LAPTM4B: variants seen among roughly 807,000 people sequenced by gnomAD.
The protein encoded by LAPTM4B is lysosomal-associated transmembrane protein 4B.
Under a neutral mutation model 28.5 loss-of-function variants are expected in LAPTM4B, and 26 were observed. The observed-to-expected ratio is 0.91, with a 90% CI of 0.67 to 1.27. The LOEUF (loss-of-function observed/expected upper bound fraction) is 1.27, where lower values mean the gene tolerates loss of function less well. Among genes scored for constraint, LAPTM4B ranks in the 50% most tolerant of loss-of-function variants. LAPTM4B has a pLI of 0.00. For synonymous variants in LAPTM4B, 109 were observed against 106.4 expected (o/e 1.02, Z -0.15); for missense variants, 288 against 285.8 (o/e 1.01, Z -0.06).
intron 6 of LAPTM4B, among the ~76,000 whole-genome samples, chr8:97,841,472 C>T (rs1444804382): frequency 1.3e-5 from 2 of 152,128 alleles, no homozygotes; most frequent in African/African-American, 4.8e-5. Flanking sequence ...GGATTACAGG[C>T]GCCTGCCATC....
chr8:97,797,633 G>T (rs993680774), intron 1 of LAPTM4B, among the ~76,000 whole-genome samples: 32 of 152,162 alleles, frequency 2.1e-4, no homozygotes, highest in Admixed American at 1.6e-3. Context: ...GATACAACCT[G>T]TGTAAATTTC....
chr8:97,844,096 G>A (rs1586346927), intron 6 of LAPTM4B, among the ~76,000 whole-genome samples: 1 of 134,538 alleles, frequency 7.4e-6, no homozygotes, highest in Non-Finnish European at 1.6e-5. Flanking sequence ...TTTTGGGGGT[G>A]GGGGGAGCAG....
At chr8:97,801,952 G>GTGGC (rs755483411) in intron 1 of LAPTM4B, among the ~76,000 whole-genome samples, 1 of 152,104 alleles carries the variant, frequency 6.6e-6, no homozygotes, top group Non-Finnish European at 1.5e-5. Context: ...GGACTGGCCT[G>GTGGC]TGGCTCCTTT....
intron 6 of LAPTM4B, among the ~76,000 whole-genome samples, chr8:97,835,298 T>G (rs926975195): frequency 9.2e-5 from 14 of 152,212 alleles, no homozygotes; most frequent in Admixed American, 2.0e-4. Context: ...TTTTTCCTCC[T>G]CTTCTCTAAA....
chr8:97,790,693 G>A (rs922218671), intron 1 of LAPTM4B, among the ~76,000 whole-genome samples: 11 of 152,094 alleles, frequency 7.2e-5, no homozygotes, highest in African/African-American at 2.7e-4. Context: ...TTATCTGCCC[G>A]CCTCAGCTTC....
intron 5 of LAPTM4B, among the ~76,000 whole-genome samples, chr8:97,821,783 C>T: frequency 6.6e-6 from 1 of 152,092 alleles, no homozygotes; most frequent in Admixed American, 6.6e-5. Context: ...GCAGGGCAGC[C>T]TTCCACCCTT....
chr8:97,778,832 C>T lies in LAPTM4B; in HGVS notation c.99+2724C>T, dbSNP rs527306609. On this transcript the variant is annotated intron_variant, in intron 1 of 6. Coordinates refer to ENST00000521545, the MANE Select transcript of LAPTM4B (RefSeq NM_018407.6). ...TGAGCACTAGCCGTCTCTGGGTCGC[C>T]GGCTAATAAAGGACTCCTGAATTCG... Among the ~76,000 whole-genome samples, 3 of 152,058 alleles carry T rather than the reference C, an allele frequency of 2.0e-5. No homozygotes were observed. In the South Asian group the frequency reaches 6.3e-4, roughly 32 times the overall value.
intron 2 of LAPTM4B, among the ~76,000 whole-genome samples, chr8:97,808,864 G>A (rs1234092290): frequency 6.6e-6 from 1 of 152,052 alleles, no homozygotes; most frequent in Non-Finnish European, 1.5e-5. Flanking sequence ...GGGAGGCTGA[G>A]GCAGGAGAAT....
At chr8:97,814,298 T>C (rs2129788382) in intron 2 of LAPTM4B, among the ~76,000 whole-genome samples, 1 of 152,240 alleles carries the variant, frequency 6.6e-6, no homozygotes, top group African/African-American at 2.4e-5. Flanking sequence ...TCATTTGAAG[T>C]CAGGAGTTCG....
rs139594858 is a variant in LAPTM4B, at chr8:97,841,729, A to G, written c.604-9668A>G. Among the ~76,000 whole-genome samples the G allele has an allele frequency of 5.0e-3, 755 of 152,270 alleles. 10 individuals carry two copies. Among genetic ancestry groups the G allele is most frequent in the African/African-American group, 0.017 (727 of 41,544 alleles). On this transcript the variant is annotated intron_variant, in intron 6 of 6. Coordinates refer to ENST00000521545, the MANE Select transcript of LAPTM4B (RefSeq NM_018407.6). Reference sequence around the variant, plus strand: ...AGTTACTCACAGAGGTTCATAATTCACTTATCTCCCCTTCCCTGTTTGGCT... The same window carrying G: ...AGTTACTCACAGAGGTTCATAATTCGCTTATCTCCCCTTCCCTGTTTGGCT...
At chr8:97,851,088 TG>T (rs780419111) in intron 6 of LAPTM4B, among the ~76,000 whole-genome samples, 4 of 152,126 alleles carry the variant, frequency 2.6e-5, no homozygotes, top group Non-Finnish European at 5.9e-5. Context: ...TGTGTGCACA[TG>T]GACACACTCA....
intron 6 of LAPTM4B, among the ~76,000 whole-genome samples, chr8:97,850,497 A>G (rs1221473652): frequency 3.0e-5 from 1 of 33,300 alleles, no homozygotes; most frequent in South Asian, 4.5e-4. Flanking sequence ...TGTTTGGGAG[A>G]GTGCAATGTG....
At chr8:97,819,845 T>C (rs1243916818) in intron 5 of LAPTM4B, among the ~76,000 whole-genome samples, 1 of 150,630 alleles carries the variant, frequency 6.6e-6, no homozygotes, top group Non-Finnish European at 1.5e-5. Context: ...CGCCATTATC[T>C]TGCCTCAGCC....
chr8:97,803,903 A>G (rs1433129207), intron 1 of LAPTM4B, among the ~76,000 whole-genome samples: 1 of 152,134 alleles, frequency 6.6e-6, no homozygotes, highest in Non-Finnish European at 1.5e-5. Flanking sequence ...TCAGCCTCCC[A>G]AAGTGCTGGG....
intron 2 of LAPTM4B, among the ~76,000 whole-genome samples, chr8:97,812,252 C>T (rs1365178891): frequency 2.4e-5 from 3 of 127,146 alleles, no homozygotes; most frequent in East Asian, 5.0e-4. Context: ...CGGAGTCTGA[C>T]TCTGTCACCC....
intron 1 of LAPTM4B, among the ~76,000 whole-genome samples, chr8:97,797,596 T>G (rs1441740148): frequency 6.6e-6 from 1 of 152,242 alleles, no homozygotes; most frequent in African/African-American, 2.4e-5. Flanking sequence ...TTCACTATTA[T>G]ACATAAGTCT....
At chr8:97,798,676 G>A (rs1241494458) in intron 1 of LAPTM4B, among the ~76,000 whole-genome samples, 1 of 151,784 alleles carries the variant, frequency 6.6e-6, no homozygotes, top group African/African-American at 2.4e-5. Context: ...AGGACACACT[G>A]AGCCAGCAGC....
intron 6 of LAPTM4B, among the ~76,000 whole-genome samples, chr8:97,831,820 T>C (rs2129825870): frequency 6.6e-6 from 1 of 152,304 alleles, no homozygotes; most frequent in Admixed American, 6.5e-5. Flanking sequence ...AGACGTTTCC[T>C]TGGGCAGTGG....
intron 6 of LAPTM4B, among the ~76,000 whole-genome samples, chr8:97,828,179 G>A (rs988207829): frequency 1.3e-5 from 2 of 152,090 alleles, no homozygotes; most frequent in Non-Finnish European, 2.9e-5. Context: ...AGTGAAGTAT[G>A]GAGAAAATTT....
Sources: gnomAD v4.1 joint callset for allele counts (sites outside exome capture counted in the v4.1 genomes callset) on GRCh38, gnomAD v4.1.1 for gene constraint, MANE v1.5 for transcripts, NCBI Gene and HGNC (gene_info 2026-07-23, HGNC 2026-07-21) for gene names.